Variants in RYR1 observed in about 807,000 individuals in gnomAD.
RYR1 encodes central core disease of muscle.
Under a neutral mutation model 583.5 loss-of-function variants are expected in RYR1, and 342 were observed. The observed-to-expected ratio is 0.59, with a 90% CI of 0.54 to 0.64. The LOEUF (loss-of-function observed/expected upper bound fraction) is 0.64. Ranked by LOEUF, RYR1 falls within the 30% of genes least tolerant of loss-of-function variation. The probability of loss-of-function intolerance (pLI) is 0.00; values close to 1 mark genes in which losing one functional copy is unlikely to be tolerated. For missense variants in RYR1, 6,032 were observed against 6,917.2 expected (o/e 0.87, Z 4.54); for synonymous variants, 2,791 against 2,822.5 (o/e 0.99, Z 0.35).
At chr19:38,562,108 G>A (rs1214295676) in intron 90 of RYR1, among the ~76,000 whole-genome samples, 1 of 151,852 alleles carries the variant, frequency 6.6e-6, no homozygotes, top group Admixed American at 6.6e-5. Context: ...ACCCTGGCAT[G>A]CTTCATTTGT....
chr19:38,510,743 T>G lies in RYR1; in HGVS notation c.9084T>G (p.Gly3028=). The part of the protein sequence containing the change: ...LSTPAKVLGS[G]GHASNKEKEM... ...CTCCGGCTAAAGTGCTGGGCAGCGG[T>G]GGCCACGCCTCTAACAAGGAGAAGG... Residue 3028 remains glycine, a synonymous_variant, in exon 60 of 106, where the codon GGT becomes GGG. Transcript: ENST00000359596. 6.2e-7 allele frequency: 1 copy of G among 1,614,118 alleles called. No individual in the cohort carries two copies. The highest frequency in any genetic ancestry group is 8.5e-7 in the Non-Finnish European group (1 of 1,180,024).
intron 28 of RYR1, 58 bp from the exon 29 acceptor site, chr19:38,475,260 C>T (rs1302712509): frequency 5.9e-5 from 91 of 1,548,378 alleles, no homozygotes; most frequent in Admixed American, 9.8e-5. Context: ...ATGAATATTG[C>T]GGTGGGAGGG....
rs920208782 is a variant in RYR1, at chr19:38,565,850, C to G, written c.13437+79C>G. 1.0e-5 allele frequency: 14 copies of G among 1,334,358 alleles called. No individual in the cohort carries two copies. The highest frequency in any genetic ancestry group is 3.8e-5 in the South Asian group (2 of 52,252). The allele number at this position is 1,334,358 out of a possible 1,614,324, so 82.7% of individuals were successfully genotyped here. A position where few individuals can be genotyped will look rare whatever the true frequency, so the allele number is the denominator to read the frequency against. On this transcript the variant is annotated intron_variant, in intron 91 of 105. Coordinates refer to ENST00000359596, the MANE Select transcript of RYR1 (RefSeq NM_000540.3). The surrounding 1 kb of genome is among the most constrained non-coding windows in gnomAD (Gnocchi z 4.7). The stretch of plus-strand genomic sequence containing the variant: ...GGAAGAGAGCCCGGCTGGGTGGAGA[C>G]ACACACAGAGGAGAGAACTGGCTAG...
chr19:38,542,845 A>G (rs1325267089), intron 84 of RYR1, among the ~76,000 whole-genome samples: 1 of 148,558 alleles, frequency 6.7e-6, no homozygotes, highest in Non-Finnish European at 1.5e-5. Flanking sequence ...TTATTTATTT[A>G]TTTATTTATT....
chr19:38,490,371 C>A (rs1969499852), intron 36 of RYR1, 95 bp downstream of exon 36: 1 of 1,220,666 alleles, frequency 8.2e-7, no homozygotes, highest in South Asian at 1.3e-5. Flanking sequence ...ACCTCTAAAC[C>A]CGTGCTTGAC....
In RYR1 at chr19:38,469,393, C is replaced by T. The variant is rs1968297036; in HGVS notation, c.3645C>T (p.Ile1215=). The T allele has an allele frequency of 6.2e-7, 1 of 1,614,158 alleles. No homozygotes were observed. Among genetic ancestry groups the T allele is most frequent in the Non-Finnish European group, 8.5e-7 (1 of 1,180,036 alleles). Residue 1215 remains isoleucine, a synonymous_variant, in exon 27 of 106, where the codon ATC becomes ATT. Coordinates refer to ENST00000359596, the MANE Select transcript of RYR1 (RefSeq NM_000540.3). ...QDVSSLRFFA[I]CGLQEGFEPF... Reference sequence around the variant, plus strand: ...TGAGCTCTCTGAGGTTCTTTGCCATCTGTGGCCTCCAGGAAGGCTTCGAGC... The same window carrying T: ...TGAGCTCTCTGAGGTTCTTTGCCATTTGTGGCCTCCAGGAAGGCTTCGAGC...
In RYR1 at chr19:38,443,495, C is replaced by T. The variant is rs1242971596; in HGVS notation, c.271-63C>T. Reference sequence around the variant, plus strand: ...TCTTGTCACCTGTGACTAGGCCAGACCTCTTGGGGATCTGGAGAGTCCGGG... The same window carrying T: ...TCTTGTCACCTGTGACTAGGCCAGATCTCTTGGGGATCTGGAGAGTCCGGG... On this transcript the variant is annotated intron_variant, in intron 3 of 105. Transcript: ENST00000359596. 5 of 1,458,424 alleles carry T rather than the reference C, an allele frequency of 3.4e-6. No homozygotes were observed. The African/African-American group carries it at 5.6e-5, about 16-fold the overall frequency. 90.3% of individuals were successfully genotyped at this position (1,458,424 alleles called of 1,614,324 possible).
chr19:38,530,704 C>T (rs1971693397), intron 76 of RYR1, among the ~76,000 whole-genome samples: 1 of 152,120 alleles, frequency 6.6e-6, no homozygotes, highest in Admixed American at 6.5e-5. Flanking sequence ...TGTCTGTAGT[C>T]CTGGGTGGAT....
In RYR1 at chr19:38,523,067, G is replaced by A. The variant is rs755830266; in HGVS notation, c.10299G>A (p.Glu3433=). 3 of 1,611,726 alleles carry A rather than the reference G, an allele frequency of 1.9e-6. No individual in the cohort carries two copies. The highest frequency in any genetic ancestry group is 2.5e-6 in the Non-Finnish European group (3 of 1,179,576). Residue 3433 remains glutamate, a synonymous_variant, in exon 68 of 106, where the codon GAG becomes GAA. Coordinates refer to ENST00000359596, the MANE Select transcript of RYR1 (RefSeq NM_000540.3). ...CGGAGCCGAATCCCAGCGCGGAGGAGCTGTTCAGGATGGTGGGCGAGATCT... is the reference window on the plus strand; with the variant it reads ...CGGAGCCGAATCCCAGCGCGGAGGAACTGTTCAGGATGGTGGGCGAGATCT... The part of the protein sequence containing the change: ...WLTEPNPSAE[E]LFRMVGEIFI...
rs182887631 is a variant in RYR1, at chr19:38,436,851, C to T, written c.45+2977C>T. ...CAGCCCCCCCAAACTGATTTCACTT[C>T]CCTTTGGTGGGTGGTGACCTCTACC... On this transcript the variant is annotated intron_variant, in intron 1 of 105. Coordinates refer to ENST00000359596, the MANE Select transcript of RYR1 (RefSeq NM_000540.3). Among the ~76,000 whole-genome samples, 26 of 152,132 alleles carry T rather than the reference C, an allele frequency of 1.7e-4. No individual in the cohort carries two copies. The East Asian group carries it at 5.0e-3, about 29-fold the overall frequency.
At chr19:38,558,288 GT>G (rs1972968043) in intron 89 of RYR1, among the ~76,000 whole-genome samples, 1 of 152,148 alleles carries the variant, frequency 6.6e-6, no homozygotes, top group African/African-American at 2.4e-5. Flanking sequence ...TCCAGCCTAG[GT>G]AGTAGAGACA....
At chr19:38,575,996 G>A in intron 97 of RYR1, 35 bp downstream of exon 97, 1 of 1,613,342 alleles carries the variant, frequency 6.2e-7, no homozygotes, top group Non-Finnish European at 8.5e-7. Flanking sequence ...TCCTGGATTG[G>A]GTCCCTGCCT....
intron 97 of RYR1, among the ~76,000 whole-genome samples, chr19:38,576,537 A>G (rs1966385): frequency 6.6e-6 from 1 of 151,616 alleles, no homozygotes; most frequent in Non-Finnish European, 1.5e-5. Flanking sequence ...TGAGGCCAGG[A>G]GCAGTGGCAC....
At chr19:38,535,673 C>T in intron 81 of RYR1, 1 of 594,246 alleles carries the variant, frequency 1.7e-6, no homozygotes, top group Non-Finnish European at 3.0e-6. Context: ...TTTAGGAGCT[C>T]TCTGATGATC....
chr19:38,511,747 A>G, intron 61 of RYR1, 137 bp downstream of exon 61: 1 of 1,088,866 alleles, frequency 9.2e-7, no homozygotes, highest in East Asian at 2.4e-5. Flanking sequence ...TGGACCAGGT[A>G]TCCGGGGGGT....
intron 27 of RYR1, among the ~76,000 whole-genome samples, chr19:38,473,085 T>G (rs1052994846): frequency 2.0e-5 from 3 of 151,662 alleles, no homozygotes; most frequent in African/African-American, 7.3e-5. Flanking sequence ...AGTAGATTGT[T>G]AGATGGATGT....
intron 13 of RYR1, 28 bp downstream of exon 13, chr19:38,453,042 G>A: frequency 6.2e-7 from 1 of 1,610,494 alleles, no homozygotes; most frequent in Non-Finnish European, 8.5e-7. Flanking sequence ...GCGGAGCGGG[G>A]CCTGTGGGCC....
rs544123318 is a variant in RYR1 at position 38,526,212 on chromosome 19, C to A, written c.10626+710C>A. Among the ~76,000 whole-genome samples the A allele has an allele frequency of 3.9e-5, 6 of 151,932 alleles. No individual in the cohort carries two copies. In the South Asian group the frequency reaches 1.2e-3, roughly 32 times the overall value. On this transcript the variant is annotated intron_variant, in intron 71 of 105. Coordinates refer to ENST00000359596, the MANE Select transcript of RYR1 (RefSeq NM_000540.3). ...TAAGCTTGCTGGGATATCAAGGAGG[C>A]CTCCCGGGACCCCACTTACCCCTTG...
At chr19:38,477,634 A>G in intron 29 of RYR1, 76 bp from the exon 30 acceptor site, 1 of 1,601,804 alleles carries the variant, frequency 6.2e-7, no homozygotes. Context: ...AGTCCAGGGA[A>G]ACCAATTTCG....
Sources: gnomAD v4.1 joint callset for allele counts (sites outside exome capture counted in the v4.1 genomes callset) on GRCh38, gnomAD v4.1.1 for gene constraint, Gnocchi (gnomAD v3.1) non-coding constraint, MANE v1.5 for transcripts, NCBI Gene and HGNC (gene_info 2026-07-23, HGNC 2026-07-21) for gene names.